The following OTUD7B variants were observed in gnomAD, a reference collection of about 807,000 sequenced individuals.
The protein encoded by OTUD7B is OTU deubiquitinase 7B.
A neutral mutation model predicts 82.2 loss-of-function variants in OTUD7B; 34 were observed. The observed-to-expected ratio is 0.41, with a 90% CI of 0.31 to 0.55. The LOEUF is 0.55. Among genes scored for constraint, OTUD7B ranks in the 20% least tolerant of loss-of-function variants. OTUD7B has a pLI of 0.20. For missense variants in OTUD7B, 944 were observed against 1,062.1 expected (o/e 0.89, Z 1.55); for synonymous variants, 398 against 402.7 (o/e 0.99, Z 0.14).
the OTUD7B span, among the ~76,000 whole-genome samples, chr1:150,038,753 T>G: frequency 7.9e-5 from 12 of 152,320 alleles, no homozygotes; most frequent in East Asian, 1.2e-3. Flanking sequence ...TGGCACTTCA[T>G]GATTTTTGAG....
At chr1:150,033,329 T>A in the OTUD7B span, among the ~76,000 whole-genome samples, 2,472 of 152,292 alleles carry the variant, frequency 0.016, 65 homozygotes, top group African/African-American at 0.054. Context: ...ATAATATACA[T>A]CTTTTAAATA....
intron 1 of OTUD7B, among the ~76,000 whole-genome samples, chr1:150,004,826 C>T (rs1652557179): frequency 6.6e-6 from 1 of 152,048 alleles, no homozygotes; most frequent in African/African-American, 2.4e-5. Context: ...TCTTCATCTT[C>T]ATCCCTTGTA....
chr1:149,966,880 A>C (rs1649546968), intron 4 of OTUD7B, among the ~76,000 whole-genome samples: 1 of 152,178 alleles, frequency 6.6e-6, no homozygotes, highest in African/African-American at 2.4e-5. Context: ...CCCTATGATA[A>C]GAATTAATTT....
At chr1:150,035,449 C>T in the OTUD7B span, among the ~76,000 whole-genome samples, 1 of 152,076 alleles carries the variant, frequency 6.6e-6, no homozygotes, top group South Asian at 2.1e-4. Flanking sequence ...CCCTCACTGA[C>T]AAAATACAGT....
intron 1 of OTUD7B, among the ~76,000 whole-genome samples, chr1:149,991,834 TA>T (rs1433135639): frequency 6.6e-6 from 1 of 152,200 alleles, no homozygotes; most frequent in Non-Finnish European, 1.5e-5. Context: ...GCCACCCAGC[TA>T]AATCTCTTAC....
chr1:150,000,680 T>C (rs1652221349), intron 1 of OTUD7B, among the ~76,000 whole-genome samples: 1 of 152,004 alleles, frequency 6.6e-6, no homozygotes, highest in South Asian at 2.1e-4. Context: ...GTATGTTGCC[T>C]ATGAATACAT....
chr1:150,013,947 T>TATATATATAC (rs782181773), upstream of OTUD7B, among the ~76,000 whole-genome samples: 10 of 104,388 alleles, frequency 9.6e-5, no homozygotes, highest in South Asian at 3.2e-4. Flanking sequence ...AATATATATA[T>TATATATATAC]ACACACACAC....
At chr1:149,961,007 A>G (rs1571628354) in intron 6 of OTUD7B, 1 of 141,902 alleles carries the variant, frequency 7.0e-6, no homozygotes, top group Non-Finnish European at 1.5e-5. Context: ...GCTCACTGCA[A>G]CCTCCACCTC....
In OTUD7B at chr1:149,937,869, A is replaced by T. The variant is rs1160379904; in HGVS notation, c.*5988T>A. The T allele has an allele frequency of 2.0e-5, 3 of 152,240 alleles. No individual in the cohort carries two copies. Among genetic ancestry groups the T allele is most frequent in the Non-Finnish European group, 4.4e-5 (3 of 68,058 alleles). 9.4% of individuals were successfully genotyped at this position (152,240 alleles called of 1,614,324 possible). ...TGAATCTACAGAGGCAGCAATCCTT[A>T]GATGGGGGCCCCAGTTTTCCAAAGT... On this transcript the variant is annotated 3_prime_UTR_variant, in exon 12 of 12. Coordinates refer to ENST00000581312, the MANE Select transcript of OTUD7B (RefSeq NM_020205.4).
chr1:149,971,288 C>T, intron 2 of OTUD7B, 37 bp from the exon 3 acceptor site: 1 of 1,485,168 alleles, frequency 6.7e-7, no homozygotes, highest in Non-Finnish European at 9.3e-7. Flanking sequence ...ACTGTGCAAC[C>T]ATAGTATAGA....
At chr1:150,048,656 G>T in the OTUD7B span, 1 of 151,930 alleles carries the variant, frequency 6.6e-6, no homozygotes, top group Non-Finnish European at 1.5e-5. Context: ...ACCAGCCTGG[G>T]GAAGAGAGTA....
At chr1:150,059,311 G>A in the OTUD7B span, among the ~76,000 whole-genome samples, 4 of 11,950 alleles carry the variant, frequency 3.3e-4, no homozygotes, top group Non-Finnish European at 4.4e-4. Context: ...CCCCCCCCCC[G>A]CCTCCCAAAA....
At chr1:150,043,940 G>A in the OTUD7B span, among the ~76,000 whole-genome samples, 1 of 151,952 alleles carries the variant, frequency 6.6e-6, no homozygotes, top group Admixed American at 6.6e-5. Flanking sequence ...GCAACATAGA[G>A]AGACTCCTCC....
At chr1:150,027,816 T>C in the OTUD7B span, among the ~76,000 whole-genome samples, 1 of 151,980 alleles carries the variant, frequency 6.6e-6, no homozygotes, top group African/African-American at 2.4e-5. Context: ...TATTCTATTC[T>C]ATTTTATCCT....
chr1:149,945,886 C>T (rs140322913), intron 11 of OTUD7B, among the ~76,000 whole-genome samples: 270 of 151,546 alleles, frequency 1.8e-3, no homozygotes, highest in Non-Finnish European at 2.9e-3. Flanking sequence ...CATGGAGAAA[C>T]CCCATCTCTA....
chr1:150,045,786 C>T, the OTUD7B span, among the ~76,000 whole-genome samples: 1 of 152,154 alleles, frequency 6.6e-6, no homozygotes, highest in African/African-American at 2.4e-5. Context: ...AAGTCACCTA[C>T]TCCATTGCCA....
At chr1:150,063,204 C>A in the OTUD7B span, among the ~76,000 whole-genome samples, 50 of 152,090 alleles carry the variant, frequency 3.3e-4, no homozygotes, top group Non-Finnish European at 6.2e-4. Context: ...ATAATCCCAG[C>A]ACTTTGGGAG....
upstream of OTUD7B, among the ~76,000 whole-genome samples, chr1:150,015,669 G>T (rs1233292763): frequency 6.6e-6 from 1 of 152,126 alleles, no homozygotes; most frequent in African/African-American, 2.4e-5. Context: ...AAACATGTTG[G>T]TTGCTTAACC....
chr1:150,020,565 T>C, the OTUD7B span, among the ~76,000 whole-genome samples: 2 of 151,784 alleles, frequency 1.3e-5, no homozygotes, highest in Admixed American at 6.6e-5. Flanking sequence ...AAATTAAATA[T>C]CTAGGTATAT....
Sources: gnomAD v4.1 joint callset for allele counts (sites outside exome capture counted in the v4.1 genomes callset) on GRCh38, gnomAD v4.1.1 for gene constraint, MANE v1.5 for transcripts, NCBI Gene and HGNC (gene_info 2026-07-23, HGNC 2026-07-21) for gene names.